Variants in USH2A observed in about 807,000 individuals in gnomAD.
USH2A encodes the protein usherin.
A neutral mutation model predicts 538.9 loss-of-function variants in USH2A; 443 were observed. The observed-to-expected ratio is 0.82, with a 90% confidence interval of 0.76 to 0.89. The LOEUF (loss-of-function observed/expected upper bound fraction) is 0.89, where lower values mean the gene tolerates loss of function less well. Among genes scored for constraint, USH2A ranks in the 40% least tolerant of loss-of-function variants. The pLI is 0.00. For synonymous variants in USH2A, 2,413 were observed against 2,273.5 expected, an observed-to-expected ratio of 1.06 and a Z score of -1.75; for missense variants, 6,633 against 6,324.8, an observed-to-expected ratio of 1.05 and a Z score of -1.65.
rs546212629 is a variant in USH2A at position 215,985,817 on chromosome 1, C to T, written c.6805+7203G>A. On this transcript the variant is annotated intron_variant, in intron 35 of 71. Transcript: ENST00000307340. Reference sequence around the variant, plus strand: ...TATAGTTAATTGATTTCTCTACCACCCATTATTGACAGAATATATAAGCTC... The same window carrying T: ...TATAGTTAATTGATTTCTCTACCACTCATTATTGACAGAATATATAAGCTC... Among the ~76,000 whole-genome samples, 10 of 152,064 alleles carry T rather than the reference C, an allele frequency of 6.6e-5. No homozygotes were observed. The Middle Eastern group carries it at 0.01, about 155-fold the overall frequency.
At chr1:215,949,321 C>T (rs1308032795) in intron 37 of USH2A, among the ~76,000 whole-genome samples, 1 of 151,862 alleles carries the variant, frequency 6.6e-6, no homozygotes, top group Non-Finnish European at 1.5e-5. Flanking sequence ...TAACACATTT[C>T]TAGATGAGAA....
At chr1:215,982,137 G>T (rs926976777) in intron 35 of USH2A, among the ~76,000 whole-genome samples, 1 of 152,194 alleles carries the variant, frequency 6.6e-6, no homozygotes, top group Admixed American at 6.5e-5. Context: ...CAGCCCTTCT[G>T]TCATGACCAC....
Position 216,327,743 on chromosome 1 carries a change from G to A in USH2A, c.785-89C>T, listed in dbSNP as rs2037764785. 8.0e-6 allele frequency: 12 copies of A among 1,505,348 alleles called. No individual in the cohort carries two copies. The Admixed American group carries it at 1.5e-4, about 19-fold the overall frequency. The allele number at this position is 1,505,348 out of a possible 1,614,324, so 93.2% of individuals were successfully genotyped here. A position where few individuals can be genotyped will look rare whatever the true frequency, so the allele number is the denominator to read the frequency against. On this transcript the variant is annotated intron_variant, in intron 4 of 71. Coordinates refer to ENST00000307340, the MANE Select transcript of USH2A (RefSeq NM_206933.4). ...ATTTAAGTGATATTCCTTTGAAGATGTTAAGGTTAAAAAGATATTTATGTC... is the reference window on the plus strand; with the variant it reads ...ATTTAAGTGATATTCCTTTGAAGATATTAAGGTTAAAAAGATATTTATGTC...
chr1:215,794,492 G>A (rs958517963), intron 50 of USH2A, among the ~76,000 whole-genome samples: 3 of 152,128 alleles, frequency 2.0e-5, no homozygotes, highest in Admixed American at 6.6e-5. Flanking sequence ...GGGCCATATG[G>A]ATATTCTGGA....
At chr1:215,885,361 C>T (rs1247329802) in intron 41 of USH2A, among the ~76,000 whole-genome samples, 1 of 152,068 alleles carries the variant, frequency 6.6e-6, no homozygotes, top group Non-Finnish European at 1.5e-5. Flanking sequence ...TTTTAATATA[C>T]TGCTTAATTC....
At chr1:215,910,962 G>T (rs565226791) in intron 38 of USH2A, among the ~76,000 whole-genome samples, 2 of 151,918 alleles carry the variant, frequency 1.3e-5, no homozygotes, top group East Asian at 3.9e-4. Context: ...AATTCACAAG[G>T]TTTAGAAAAA....
intron 64 of USH2A, among the ~76,000 whole-genome samples, chr1:215,668,585 T>C (rs1233906173): frequency 1.3e-5 from 2 of 152,184 alleles, no homozygotes; most frequent in African/African-American, 2.4e-5. Context: ...ACAGAGCCGA[T>C]AGTAACAGTT....
At chr1:215,762,509 T>C (rs1381401266) in intron 56 of USH2A, among the ~76,000 whole-genome samples, 1 of 152,192 alleles carries the variant, frequency 6.6e-6, no homozygotes. Flanking sequence ...TTCAAGTTGG[T>C]AATAACTCCA....
At chr1:216,273,235 C>T (rs1236044917) in intron 11 of USH2A, among the ~76,000 whole-genome samples, 7 of 151,840 alleles carry the variant, frequency 4.6e-5, no homozygotes, top group African/African-American at 1.2e-4. Flanking sequence ...TGAAAATGGG[C>T]GACTGAAAAT....
rs367903618 is a variant in USH2A, at chr1:216,210,328, G to A, written c.3158-2897C>T. Among the ~76,000 whole-genome samples, 4 of 152,236 alleles carry A rather than the reference G, an allele frequency of 2.6e-5. No homozygotes were observed. The South Asian group carries it at 8.3e-4, about 32-fold the overall frequency. ...AGCTGACAAACTGCGTCTGCACCCG[G>A]AAGGAATGCTGAGGGCAGTCATGAC... On this transcript the variant is annotated intron_variant, in intron 15 of 71. Coordinates refer to ENST00000307340, the MANE Select transcript of USH2A (RefSeq NM_206933.4).
intron 15 of USH2A, among the ~76,000 whole-genome samples, chr1:216,213,782 A>G (rs1333195378): frequency 6.6e-6 from 1 of 151,766 alleles, no homozygotes; most frequent in Non-Finnish European, 1.5e-5. Flanking sequence ...GTATACCAAT[A>G]AAAAAAATGA....
At chr1:216,104,978 C>A (rs1477431697) in intron 21 of USH2A, among the ~76,000 whole-genome samples, 1 of 152,096 alleles carries the variant, frequency 6.6e-6, no homozygotes, top group Non-Finnish European at 1.5e-5. Flanking sequence ...AAACAAACAA[C>A]CCCATCAAAA....
intron 70 of USH2A, among the ~76,000 whole-genome samples, chr1:215,631,015 T>C (rs1445004620): frequency 6.6e-6 from 1 of 152,202 alleles, no homozygotes; most frequent in East Asian, 1.9e-4. Context: ...CTATACTGTA[T>C]ACTGTATGGT....
In USH2A at chr1:216,277,036, C is replaced by T. The variant is rs372899833; in HGVS notation, c.1971+12244G>A. Among the ~76,000 whole-genome samples the T allele has an allele frequency of 2.7e-4, 41 of 152,274 alleles. 3 individuals carry two copies. The highest frequency in any genetic ancestry group is 9.9e-4 in the African/African-American group (41 of 41,574). The stretch of plus-strand genomic sequence containing the variant: ...TCTCATATCTATCTATATCTACCTA[C>T]TTACCTACCTACATATCTAAACAAA... On this transcript the variant is annotated intron_variant, in intron 11 of 71. Transcript: ENST00000307340.
intron 60 of USH2A, among the ~76,000 whole-genome samples, chr1:215,733,044 G>T (rs937153696): frequency 7.9e-5 from 12 of 152,016 alleles, no homozygotes; most frequent in Admixed American, 7.2e-4. Flanking sequence ...ATACAGAATA[G>T]GGATTTAACT....
At chr1:216,418,755 A>G in intron 2 of USH2A, 76 bp from the exon 3 acceptor site, 2 of 1,553,776 alleles carry the variant, frequency 1.3e-6, no homozygotes, top group Non-Finnish European at 1.8e-6. Flanking sequence ...GTGCAGTTAC[A>G]GTGGTGTTAA....
chr1:216,382,936 G>A (rs2038944807), intron 3 of USH2A, among the ~76,000 whole-genome samples: 1 of 152,084 alleles, frequency 6.6e-6, no homozygotes, highest in Non-Finnish European at 1.5e-5. Flanking sequence ...TAAACTCAAA[G>A]ACATGATAGA....
At chr1:215,737,678 T>C (rs1351486853) in intron 60 of USH2A, among the ~76,000 whole-genome samples, 2 of 151,980 alleles carry the variant, frequency 1.3e-5, no homozygotes, top group Admixed American at 6.6e-5. Context: ...TCTGTCTGTC[T>C]TCTGTCTGTA....
Position 216,069,338 on chromosome 1 carries a change from C to T in USH2A, c.6049+763G>A, listed in dbSNP as rs114740872. On this transcript the variant is annotated intron_variant, in intron 30 of 71. Transcript: ENST00000307340. The stretch of plus-strand genomic sequence containing the variant: ...GGAAGTAAAGTCTTGAGGGAATTGA[C>T]CAACAGGTTTGTTGGGAAAATATTT... Among the ~76,000 whole-genome samples, 382 of 152,282 alleles carry T rather than the reference C, an allele frequency of 2.5e-3. 2 individuals are homozygous for T. Among genetic ancestry groups the T allele is most frequent in the African/African-American group, 9.0e-3 (374 of 41,570 alleles).
Sources: allele counts gnomAD v4.1 joint callset (sites outside exome capture counted in the v4.1 genomes callset), GRCh38; gene constraint gnomAD v4.1.1; transcripts MANE v1.5; gene names NCBI Gene and HGNC (gene_info 2026-07-23, HGNC 2026-07-21).